HS3ST3A1: variants seen among roughly 807,000 people sequenced by gnomAD.
The protein encoded by HS3ST3A1 is heparan sulfate glucosamine 3-O-sulfotransferase 3A1.
In HS3ST3A1, 19 loss-of-function variants were observed where a neutral mutation model predicts 25.7. The observed-to-expected ratio is 0.74, with a 90% CI of 0.52 to 1.08. The LOEUF (loss-of-function observed/expected upper bound fraction) is 1.08, where lower values mean the gene tolerates loss of function less well. Among genes scored for constraint, HS3ST3A1 ranks in the 50% least tolerant of loss-of-function variants. HS3ST3A1 has a pLI of 0.00. For synonymous variants in HS3ST3A1, 226 were observed against 278.6 expected, an observed-to-expected ratio of 0.81 and a Z score of 1.88; for missense variants, 459 against 594.3, an observed-to-expected ratio of 0.77 and a Z score of 2.37.
At chr17:13,573,315 T>A (rs1280771425) in intron 1 of HS3ST3A1, among the ~76,000 whole-genome samples, 5 of 152,218 alleles carry the variant, frequency 3.3e-5, no homozygotes, top group African/African-American at 1.2e-4. Flanking sequence ...CCATGCTTTG[T>A]CTTCTCACTT....
Position 13,561,883 on chromosome 17 carries a change from C to A in HS3ST3A1, c.599+38648G>T, listed in dbSNP as rs115719006. ...ATCCCAGGGGTACAAAGAGGACAGA[C>A]AAAGGGCAAAAAGAGAGTGTAGGGT... On this transcript the variant is annotated intron_variant, in intron 1 of 1. Coordinates refer to ENST00000284110, the MANE Select transcript of HS3ST3A1 (RefSeq NM_006042.3). 6.6e-3 allele frequency among the ~76,000 whole-genome samples: 996 copies of A among 151,916 alleles called. 7 individuals carry two copies. The highest frequency in any genetic ancestry group is 0.023 in the African/African-American group (933 of 41,352).
chr17:13,516,074 G>A, intron 1 of HS3ST3A1, among the ~76,000 whole-genome samples: 1 of 152,128 alleles, frequency 6.6e-6, no homozygotes, highest in South Asian at 2.1e-4. Context: ...AGTTTGGAAG[G>A]CCGAAGCGGG....
intron 1 of HS3ST3A1, among the ~76,000 whole-genome samples, chr17:13,575,207 A>G (rs751830578): frequency 6.6e-6 from 1 of 152,152 alleles, no homozygotes; most frequent in Non-Finnish European, 1.5e-5. Context: ...TGTACTACCC[A>G]TGCTGAGGCT....
rs1555537569 is a variant in HS3ST3A1, at chr17:13,515,477, T to TTTTTG, written c.600-18660_600-18659insCAAAA. On this transcript the variant is annotated intron_variant, in intron 1 of 1. Coordinates refer to ENST00000284110, the MANE Select transcript of HS3ST3A1 (RefSeq NM_006042.3). ...GTCCAACCAGTTTGTTTCAGTTTTT[T>TTTTTG]TTTTTTTTTTTTTTTTGCTGAATAG... 1.4e-5 allele frequency among the ~76,000 whole-genome samples: 2 copies of TTTTTG among 147,228 alleles called. 1 individual carries two copies. The highest frequency in any genetic ancestry group is 5.0e-5 in the African/African-American group (2 of 40,292).
chr17:13,593,327 C>CATTTA (rs1378332366), intron 1 of HS3ST3A1, among the ~76,000 whole-genome samples: 1 of 151,466 alleles, frequency 6.6e-6, no homozygotes, highest in Non-Finnish European at 1.5e-5. Context: ...AGAGACCTGT[C>CATTTA]ATTTACATCA....
At chr17:13,523,107 A>G (rs947228442) in intron 1 of HS3ST3A1, among the ~76,000 whole-genome samples, 1 of 152,194 alleles carries the variant, frequency 6.6e-6, no homozygotes, top group Non-Finnish European at 1.5e-5. Context: ...CAGAGGATGA[A>G]CTAGGTCTCA....
intron 1 of HS3ST3A1, among the ~76,000 whole-genome samples, chr17:13,505,223 A>C (rs959501699): frequency 2.0e-5 from 3 of 152,226 alleles, no homozygotes; most frequent in African/African-American, 7.2e-5. Context: ...AATAGTATAC[A>C]GACGACGGCT....
At chr17:13,564,424 CT>C (rs1728285033) in intron 1 of HS3ST3A1, among the ~76,000 whole-genome samples, 1 of 152,100 alleles carries the variant, frequency 6.6e-6, no homozygotes, top group African/African-American at 2.4e-5. Context: ...CCAGTACCCC[CT>C]AAGGATACCA....
chr17:13,496,446 G>A lies in HS3ST3A1; in HGVS notation c.972C>T (p.Gly324=). 7.3e-7 allele frequency: 1 copy of A among 1,367,402 alleles called. No individual in the cohort carries two copies. The highest frequency in any genetic ancestry group is 1.0e-6 in the Non-Finnish European group (1 of 993,094). The allele number at this position is 1,367,402 out of a possible 1,614,324, so 84.7% of individuals were successfully genotyped here. A position where few individuals can be genotyped will look rare whatever the true frequency, so the allele number is the denominator to read the frequency against. ...TGAGGCCCAGGAAGTCTTGCACGCG[G>A]CCCAGCTCCCCGGCCGGGTCGCTGA... ...RLISDPAGEL[G]RVQDFLGLKR... The change falls in exon 2 of 2, where the codon GGC becomes GGT. Residue 324 remains glycine (G), a synonymous_variant. Transcript: ENST00000284110.
At chr17:13,555,132 G>C (rs924177869) in intron 1 of HS3ST3A1, among the ~76,000 whole-genome samples, 1 of 152,098 alleles carries the variant, frequency 6.6e-6, no homozygotes, top group East Asian at 1.9e-4. Context: ...CATTTCTGCT[G>C]AACAAAAACA....
At chr17:13,505,997 A>T (rs1244132047) in intron 1 of HS3ST3A1, among the ~76,000 whole-genome samples, 1 of 146,340 alleles carries the variant, frequency 6.8e-6, no homozygotes, top group East Asian at 2.1e-4. Flanking sequence ...ACTGCACTCC[A>T]GCCTGGGCAA....
At chr17:13,505,599 G>A (rs1024065337) in intron 1 of HS3ST3A1, among the ~76,000 whole-genome samples, 2 of 151,758 alleles carry the variant, frequency 1.3e-5, no homozygotes, top group Admixed American at 6.6e-5. Flanking sequence ...GAGTATAATC[G>A]GTGAGGCTAG....
intron 1 of HS3ST3A1, among the ~76,000 whole-genome samples, chr17:13,534,492 C>A (rs1236441864): frequency 7.2e-6 from 1 of 139,796 alleles, no homozygotes; most frequent in African/African-American, 2.7e-5. Flanking sequence ...TTGCTTGAGC[C>A]CAGGAGTTTG....
intron 1 of HS3ST3A1, among the ~76,000 whole-genome samples, chr17:13,579,682 C>G (rs1908048447): frequency 8.8e-6 from 1 of 113,594 alleles, no homozygotes; most frequent in African/African-American, 3.6e-5. Flanking sequence ...GCCTGGGTGA[C>G]AGAGCCAGAC....
At chr17:13,529,417 C>T (rs371872016) in intron 1 of HS3ST3A1, among the ~76,000 whole-genome samples, 58 of 152,170 alleles carry the variant, frequency 3.8e-4, no homozygotes, top group Admixed American at 1.0e-3. Flanking sequence ...GACCATCCAT[C>T]CTAAGGAAGT....
intron 1 of HS3ST3A1, among the ~76,000 whole-genome samples, chr17:13,545,087 A>T (rs989199926): frequency 5.3e-5 from 8 of 152,176 alleles, no homozygotes; most frequent in African/African-American, 1.9e-4. Flanking sequence ...AGTAACTGGC[A>T]TGTGCGCTTG....
chr17:13,553,068 G>A (rs1372516478), intron 1 of HS3ST3A1, among the ~76,000 whole-genome samples: 2 of 152,080 alleles, frequency 1.3e-5, no homozygotes, highest in Non-Finnish European at 2.9e-5. Flanking sequence ...TGTTTTTCAT[G>A]GGGCAGAGTC....
chr17:13,521,442 C>T (rs1906236023), intron 1 of HS3ST3A1, among the ~76,000 whole-genome samples: 1 of 152,212 alleles, frequency 6.6e-6, no homozygotes, highest in Admixed American at 6.5e-5. Context: ...AAGTTGAGTG[C>T]TGTTGAGTTT....
intron 1 of HS3ST3A1, among the ~76,000 whole-genome samples, chr17:13,499,647 C>A (rs1452933968): frequency 1.3e-5 from 2 of 151,966 alleles, no homozygotes; most frequent in South Asian, 2.1e-4. Context: ...GAGACTTTTG[C>A]AGAGATTGAG....
Sources: gnomAD v4.1 joint callset for allele counts (sites outside exome capture counted in the v4.1 genomes callset) on GRCh38, gnomAD v4.1.1 for gene constraint, MANE v1.5 for transcripts, NCBI Gene and HGNC (gene_info 2026-07-23, HGNC 2026-07-21) for gene names.